Variants in NXPH1 observed in about 807,000 individuals in gnomAD.
NXPH1 encodes neurexophilin 1, also known as neurexophilin-1.
Under a neutral mutation model 23.7 loss-of-function variants are expected in NXPH1, and 5 were observed. The ratio of observed to expected loss-of-function variants is 0.21; its 90% CI spans 0.11 to 0.44. NXPH1 has a LOEUF of 0.44. Among genes scored for constraint, NXPH1 ranks in the 20% least tolerant of loss-of-function variants. NXPH1 has a pLI of 0.99. For missense variants in NXPH1, 324 were observed against 321.6 expected, an observed-to-expected ratio of 1.01 and a Z score of -0.06; for synonymous variants, 144 against 122.2, an observed-to-expected ratio of 1.18 and a Z score of -1.18.
intron 2 of NXPH1, among the ~76,000 whole-genome samples, chr7:8,580,837 C>T (rs1818854100): frequency 6.6e-6 from 1 of 152,140 alleles, no homozygotes; most frequent in Non-Finnish European, 1.5e-5. Flanking sequence ...CTTCAAATCT[C>T]TGTCCTTCTA....
Position 8,751,843 on chromosome 7 carries a change from A to C in NXPH1, c.*74A>C. 1 of 1,392,996 alleles carries C rather than the reference A, an allele frequency of 7.2e-7. No homozygotes were observed. Among genetic ancestry groups the C allele is most frequent in the Non-Finnish European group, 9.6e-7 (1 of 1,042,332 alleles). 86.3% of individuals were successfully genotyped at this position (1,392,996 alleles called of 1,614,324 possible). On this transcript the variant is annotated 3_prime_UTR_variant, in exon 3 of 3. Coordinates refer to ENST00000405863, the MANE Select transcript of NXPH1 (RefSeq NM_152745.3). The surrounding 1 kb of genome is among the most constrained non-coding windows in gnomAD (Gnocchi z 4.5). ...GACAGGGCTGTTACCTCAAAGAAGAAGGTCACATCTGTTGCCTGGAATGTG... is the reference window on the plus strand; with the variant it reads ...GACAGGGCTGTTACCTCAAAGAAGACGGTCACATCTGTTGCCTGGAATGTG...
chr7:8,558,319 T>TG (rs1190987768), intron 2 of NXPH1, among the ~76,000 whole-genome samples: 1 of 151,682 alleles, frequency 6.6e-6, no homozygotes, highest in African/African-American at 2.4e-5. Flanking sequence ...CTGTGCATAA[T>TG]GGAAGCGAGT....
intron 2 of NXPH1, among the ~76,000 whole-genome samples, chr7:8,550,867 A>G (rs1309126604): frequency 1.3e-5 from 2 of 151,546 alleles, no homozygotes; most frequent in Non-Finnish European, 3.0e-5. Flanking sequence ...ACATTGTACC[A>G]TAATTTATTC....
intron 2 of NXPH1, among the ~76,000 whole-genome samples, chr7:8,740,762 T>C (rs528885429): frequency 1.3e-5 from 2 of 152,154 alleles, no homozygotes; most frequent in South Asian, 4.1e-4. Context: ...TTTACTGATA[T>C]GTAATTGACC....
intron 2 of NXPH1, among the ~76,000 whole-genome samples, chr7:8,644,555 T>A (rs1562440712): frequency 6.6e-6 from 1 of 151,960 alleles, no homozygotes; most frequent in Non-Finnish European, 1.5e-5. Flanking sequence ...GCAGTTATTG[T>A]TGAATTCTTA....
intron 2 of NXPH1, among the ~76,000 whole-genome samples, chr7:8,563,079 A>G (rs1364178862): frequency 6.6e-6 from 1 of 151,748 alleles, no homozygotes; most frequent in Non-Finnish European, 1.5e-5. Flanking sequence ...TTGACTTTAT[A>G]TGCAAGATAG....
intron 2 of NXPH1, among the ~76,000 whole-genome samples, chr7:8,520,506 A>G (rs1817752990): frequency 6.6e-6 from 1 of 152,200 alleles, no homozygotes; most frequent in South Asian, 2.1e-4. Context: ...TATAAGTCCG[A>G]CACGGTAGGA....
At chr7:8,598,566 T>C (rs1183436052) in intron 2 of NXPH1, among the ~76,000 whole-genome samples, 2 of 152,156 alleles carry the variant, frequency 1.3e-5, no homozygotes, top group East Asian at 1.9e-4. Context: ...GGATGAGTTT[T>C]CTTTTTCCAT....
intron 2 of NXPH1, among the ~76,000 whole-genome samples, chr7:8,591,336 A>G (rs970869416): frequency 1.3e-5 from 2 of 152,042 alleles, no homozygotes; most frequent in Non-Finnish European, 2.9e-5. Flanking sequence ...GGTGGATCTA[A>G]GATTTAATAC....
chr7:8,637,277 C>T (rs1820231707), intron 2 of NXPH1, among the ~76,000 whole-genome samples: 2 of 150,746 alleles, frequency 1.3e-5, no homozygotes, highest in African/African-American at 2.4e-5. Flanking sequence ...GACTGGAGTT[C>T]AGTGGTGCAA....
intron 2 of NXPH1, among the ~76,000 whole-genome samples, chr7:8,462,403 C>T (rs948997845): frequency 6.6e-6 from 1 of 152,202 alleles, no homozygotes; most frequent in Non-Finnish European, 1.5e-5. Flanking sequence ...GTGCTAGGCA[C>T]TTTACAAATG....
chr7:8,446,063 T>A (rs1460543076), intron 2 of NXPH1, among the ~76,000 whole-genome samples: 1 of 152,230 alleles, frequency 6.6e-6, no homozygotes, highest in African/African-American at 2.4e-5. Flanking sequence ...TGGACTGCTT[T>A]ACATTCACAA....
chr7:8,616,027 T>C (rs1450335346), intron 2 of NXPH1, among the ~76,000 whole-genome samples: 3 of 152,048 alleles, frequency 2.0e-5, no homozygotes, highest in African/African-American at 7.2e-5. Flanking sequence ...AAATGAAAGA[T>C]AGATTATATT....
chr7:8,516,111 T>G (rs939376333), intron 2 of NXPH1, among the ~76,000 whole-genome samples: 2 of 152,146 alleles, frequency 1.3e-5, no homozygotes, highest in Admixed American at 1.3e-4. Context: ...TTGGACATCT[T>G]TAAGGAGCTA....
intron 2 of NXPH1, among the ~76,000 whole-genome samples, chr7:8,746,840 T>TC (rs1418709706): frequency 2.8e-4 from 41 of 147,406 alleles, no homozygotes; most frequent in African/African-American, 1.0e-3. Context: ...CATTTTCTTC[T>TC]CCCCCGCTTT....
At chr7:8,603,977 A>G (rs1819420280) in intron 2 of NXPH1, among the ~76,000 whole-genome samples, 1 of 152,172 alleles carries the variant, frequency 6.6e-6, no homozygotes, top group Non-Finnish European at 1.5e-5. Context: ...CTTTAAAATG[A>G]GCACCCCAAA....
chr7:8,522,155 A>G (rs1051526325), intron 2 of NXPH1, among the ~76,000 whole-genome samples: 2 of 152,212 alleles, frequency 1.3e-5, no homozygotes, highest in African/African-American at 4.8e-5. Context: ...GGAGAATATC[A>G]CAGTTGATTA....
chr7:8,617,587 T>A (rs1014758613), intron 2 of NXPH1, among the ~76,000 whole-genome samples: 9 of 152,096 alleles, frequency 5.9e-5, no homozygotes, highest in African/African-American at 2.2e-4. Flanking sequence ...TCTCATTTAT[T>A]TGTGGGATCT....
chr7:8,563,256 A>G (rs1481552280), intron 2 of NXPH1, among the ~76,000 whole-genome samples: 1 of 151,748 alleles, frequency 6.6e-6, no homozygotes, highest in Admixed American at 6.6e-5. Context: ...TAATTAGGAG[A>G]AGAAAAACAT....
Sources: gnomAD v4.1 joint callset for allele counts (sites outside exome capture counted in the v4.1 genomes callset) on GRCh38, gnomAD v4.1.1 for gene constraint, Gnocchi (gnomAD v3.1) non-coding constraint, MANE v1.5 for transcripts, NCBI Gene and HGNC (gene_info 2026-07-23, HGNC 2026-07-21) for gene names.